The following EZR variants were observed in gnomAD, a reference collection of about 807,000 sequenced individuals.
EZR encodes cytovillin 2.
EZR carries 40 observed loss-of-function variants against 74.8 expected under a neutral mutation model. The ratio of observed to expected loss-of-function variants is 0.53; its 90% CI spans 0.42 to 0.70. The LOEUF is 0.70. EZR is among the 30% of genes least tolerant of loss of function. EZR has a pLI of 0.00. For synonymous variants in EZR, 341 were observed against 283.3 expected, an observed-to-expected ratio of 1.20 and a Z score of -2.05; for missense variants, 678 against 755.8, an observed-to-expected ratio of 0.90 and a Z score of 1.21.
At chr6:158,794,728 T>TA (rs780421636) in intron 2 of EZR, among the ~76,000 whole-genome samples, 1 of 151,826 alleles carries the variant, frequency 6.6e-6, no homozygotes, top group Non-Finnish European at 1.5e-5. Flanking sequence ...AGTAAGCAGT[T>TA]AGTCATCCAA....
At chr6:158,769,666 C>A in intron 11 of EZR, 118 bp downstream of exon 11, 1 of 1,427,080 alleles carries the variant, frequency 7.0e-7, no homozygotes, top group Admixed American at 1.7e-5. Flanking sequence ...TTCAGCCCCC[C>A]AGCAGATCAG....
chr6:158,808,391 A>G (rs912916763), intron 2 of EZR, among the ~76,000 whole-genome samples: 7 of 152,240 alleles, frequency 4.6e-5, no homozygotes, highest in Non-Finnish European at 8.8e-5. Context: ...ACCTGATGCT[A>G]TCCCTGTTGA....
intron 8 of EZR, among the ~76,000 whole-genome samples, chr6:158,772,747 C>T (rs1210846600): frequency 6.6e-6 from 1 of 152,164 alleles, no homozygotes; most frequent in Non-Finnish European, 1.5e-5. Context: ...CCTCAGGGCC[C>T]CCAGCATCCA....
At position 158,766,323 on chromosome 6, in the gene EZR, A is replaced by T. The variant is rs1057038; in HGVS notation, c.*591T>A. 0.41 allele frequency: 61,980 copies of T among 150,368 alleles called. 13,353 individuals carry two copies. Among genetic ancestry groups the T allele is most frequent in the Non-Finnish European group, 0.49 (32,734 of 67,482 alleles). 9.3% of individuals were successfully genotyped at this position (150,368 alleles called of 1,614,324 possible). A position where few individuals can be genotyped will look rare whatever the true frequency, so the allele number is the denominator to read the frequency against. On this transcript the variant is annotated 3_prime_UTR_variant, in exon 14 of 14. Transcript: ENST00000367075. ...CAAAAAAAAAAAAAACAAAAAAAAAAATCCAAGTGTCCTCCTCCACCACTC... is the reference window on the plus strand; with the variant it reads ...CAAAAAAAAAAAAAACAAAAAAAAATATCCAAGTGTCCTCCTCCACCACTC...
At chr6:158,808,116 A>G (rs149254032) in intron 2 of EZR, among the ~76,000 whole-genome samples, 6 of 152,302 alleles carry the variant, frequency 3.9e-5, no homozygotes, top group African/African-American at 1.4e-4. Flanking sequence ...TGTACCTAAC[A>G]TCAATAACTT....
At chr6:158,785,253 T>C in intron 5 of EZR, 56 bp downstream of exon 5, 3 of 1,594,712 alleles carry the variant, frequency 1.9e-6, no homozygotes, top group Non-Finnish European at 2.6e-6. Context: ...CAATCACTTC[T>C]CCCTGCCGAG....
At chr6:158,785,633 C>A in intron 4 of EZR, 50 bp from the exon 5 acceptor site, 1 of 1,599,900 alleles carries the variant, frequency 6.3e-7, no homozygotes, top group Non-Finnish European at 8.5e-7. Context: ...GACGAAGGCC[C>A]ACTGTCCCCA....
At chr6:158,816,400 G>A (rs1405445942) in intron 2 of EZR, among the ~76,000 whole-genome samples, 16 of 152,114 alleles carry the variant, frequency 1.1e-4, no homozygotes, top group Admixed American at 9.8e-4. Flanking sequence ...AAGTAGTGAC[G>A]GAGAACAGGT....
chr6:158,799,282 T>G (rs3123122), intron 2 of EZR, among the ~76,000 whole-genome samples: 17,116 of 152,142 alleles, frequency 0.11, 990 homozygotes, highest in Middle Eastern at 0.15. Flanking sequence ...CTGACTCAGG[T>G]TGGGAGGGGC....
chr6:158,811,999 T>C (rs927541263), intron 2 of EZR, among the ~76,000 whole-genome samples: 1 of 152,138 alleles, frequency 6.6e-6, no homozygotes, highest in African/African-American at 2.4e-5. Flanking sequence ...CCTCTTTTTT[T>C]CTCTTTGAAA....
intron 4 of EZR, among the ~76,000 whole-genome samples, chr6:158,786,155 C>T (rs531133238): frequency 6.4e-4 from 98 of 152,178 alleles, no homozygotes; most frequent in African/African-American, 2.1e-3. Flanking sequence ...GGGCGGACCA[C>T]GAGGTCAGGA....
intron 7 of EZR, among the ~76,000 whole-genome samples, chr6:158,778,005 T>C (rs781717293): frequency 6.6e-6 from 1 of 152,190 alleles, no homozygotes; most frequent in Non-Finnish European, 1.5e-5. Context: ...TTCAGAGCAT[T>C]AAAGGGGAAC....
chr6:158,803,544 T>TATATATATACATATACATAC (rs1777240070), intron 2 of EZR, among the ~76,000 whole-genome samples: 1 of 3,584 alleles, frequency 2.8e-4, no homozygotes, highest in Non-Finnish European at 8.2e-4. Context: ...TATATATATA[T>TATATATATACATATACATAC]GTATATATAT....
At chr6:158,782,237 C>T (rs1562495235) in intron 7 of EZR, among the ~76,000 whole-genome samples, 1 of 152,212 alleles carries the variant, frequency 6.6e-6, no homozygotes, top group Non-Finnish European at 1.5e-5. Flanking sequence ...ACAGCTGGCA[C>T]AGGTCCCTGA....
chr6:158,815,339 G>A (rs931788758), intron 2 of EZR, among the ~76,000 whole-genome samples: 4 of 152,112 alleles, frequency 2.6e-5, no homozygotes, highest in African/African-American at 9.7e-5. Flanking sequence ...TTGTGGGATG[G>A]CTCTAATATA....
Position 158,769,887 on chromosome 6 carries a change from T to A in EZR, c.1148A>T (p.Gln383Leu), listed in dbSNP as rs2128564874. 1 of 1,613,590 alleles carries A rather than the reference T, an allele frequency of 6.2e-7. No individual in the cohort carries two copies. Among genetic ancestry groups the A allele is most frequent in the Non-Finnish European group, 8.5e-7 (1 of 1,180,038 alleles). Residue 383 changes from glutamine (Q) to leucine (L), a missense_variant, in exon 11 of 14, where the codon CAG (glutamine) becomes CTG (leucine). Transcript: ENST00000367075. ...LQLEEERKRA[Q>L]EEAERLEADR... is the part of the protein sequence containing the mutation. Reference sequence around the variant, plus strand: ...AGCCTCTAGGCGCTCGGCCTCCTCCTGTGCCCGCTTCCTCTCCTCCTCCAG... The same window carrying A: ...AGCCTCTAGGCGCTCGGCCTCCTCCAGTGCCCGCTTCCTCTCCTCCTCCAG...
Position 158,767,355 on chromosome 6 carries a change from G to C in EZR, c.1502C>G (p.Ala501Gly). ...CCGGATGCCCTCACTAGACAGCTCCGCGCTGTAGCCCGTGGGCTCTGCGCC... is the reference window on the plus strand; with the variant it reads ...CCGGATGCCCTCACTAGACAGCTCCCCGCTGTAGCCCGTGGGCTCTGCGCC... Reference protein sequence around the residue: ...DEGAEPTGYSAELSSEGIRDD... With the variant: ...DEGAEPTGYSGELSSEGIRDD... The change falls in exon 13 of 14, where the codon GCG becomes GGG. Residue 501 changes from alanine to glycine, a missense_variant. By Grantham distance (60) the Ala-to-Gly change is moderately conservative. Transcript: ENST00000367075. The C allele has an allele frequency of 3.7e-6, 6 of 1,614,032 alleles. No homozygotes were observed. Among genetic ancestry groups the C allele is most frequent in the Non-Finnish European group, 5.1e-6 (6 of 1,180,004 alleles).
chr6:158,817,126 C>G (rs1479311192), intron 2 of EZR, among the ~76,000 whole-genome samples: 1 of 152,086 alleles, frequency 6.6e-6, no homozygotes, highest in Non-Finnish European at 1.5e-5. Flanking sequence ...ATTACAGAAC[C>G]AACTTGTTTG....
chr6:158,811,770 G>A (rs1197089696), intron 2 of EZR, among the ~76,000 whole-genome samples: 2 of 151,956 alleles, frequency 1.3e-5, no homozygotes, highest in African/African-American at 4.8e-5. Flanking sequence ...GGCTGAGGTG[G>A]GAAGATCACT....
Sources: allele counts gnomAD v4.1 joint callset (sites outside exome capture counted in the v4.1 genomes callset), GRCh38; gene constraint gnomAD v4.1.1; transcripts MANE v1.5; gene names NCBI Gene and HGNC (gene_info 2026-07-23, HGNC 2026-07-21).